The following ARHGEF38 variants were observed in gnomAD, a reference collection of about 807,000 sequenced individuals.
ARHGEF38 encodes the protein Rho guanine nucleotide exchange factor (GEF) 38.
In ARHGEF38, 79 loss-of-function variants were observed where a neutral mutation model predicts 79.9. The ratio of observed to expected loss-of-function variants is 0.99; its 90% CI spans 0.82 to 1.19. The LOEUF is 1.19. ARHGEF38 is among the 50% of genes most tolerant of loss of function. The pLI, the probability that ARHGEF38 is intolerant of heterozygous loss-of-function variation, is 0.00. For synonymous variants in ARHGEF38, 366 were observed against 328.3 expected, an observed-to-expected ratio of 1.11 and a Z score of -1.24; for missense variants, 962 against 907.2, an observed-to-expected ratio of 1.06 and a Z score of -0.78.
chr4:105,578,422 A>G lies in ARHGEF38; in HGVS notation c.197-10826A>G, dbSNP rs183276959. On this transcript the variant is annotated intron_variant, in intron 1 of 13. Transcript: ENST00000420470. ...GCAGTTCTTGAGTAGAATGTTCTAT[A>G]ATATCTGTTAGGTCCATTTGTTATA... is the stretch of plus-strand genomic sequence containing the variant. Among the ~76,000 whole-genome samples the G allele has an allele frequency of 2.9e-3, 435 of 152,252 alleles. 2 individuals are homozygous for G. The highest frequency in any genetic ancestry group is 9.8e-3 in the African/African-American group (406 of 41,542).
At chr4:105,567,920 A>AT (rs1304889968) in intron 1 of ARHGEF38, among the ~76,000 whole-genome samples, 1 of 132,862 alleles carries the variant, frequency 7.5e-6, no homozygotes, top group African/African-American at 2.7e-5. Flanking sequence ...TCCCAGTGCT[A>AT]TCCCTCCCCC....
chr4:105,667,174 T>C lies in ARHGEF38; in HGVS notation c.1735T>C (p.Ser579Pro), dbSNP rs1216445617. Residue 579 changes from serine to proline, a missense_variant, in exon 12 of 14, where the codon TCC (serine) becomes CCC (proline). Transcript: ENST00000420470. ...QTDIHRSKLL[S>P]TYSAEELYQA... The stretch of plus-strand genomic sequence containing the variant: ...TGACATTCATCGCTCCAAACTTCTA[T>C]CCACATATAGTGCAGAGGAACTCTA... 1.3e-6 allele frequency: 2 copies of C among 1,535,902 alleles called. No individual in the cohort carries two copies. The highest frequency in any genetic ancestry group is 1.2e-5 in the South Asian group (1 of 83,946).
intron 7 of ARHGEF38, among the ~76,000 whole-genome samples, chr4:105,650,867 A>T (rs1311783628): frequency 2.0e-5 from 3 of 152,176 alleles, no homozygotes; most frequent in African/African-American, 7.2e-5. Flanking sequence ...GAAGTTGGGG[A>T]CATTTATGGG....
intron 1 of ARHGEF38, among the ~76,000 whole-genome samples, chr4:105,570,389 A>G (rs577093653): frequency 1.3e-5 from 2 of 152,348 alleles, no homozygotes; most frequent in South Asian, 4.1e-4. Context: ...AAAATGCAGT[A>G]TGTATTAGTC....
chr4:105,679,930 C>T lies in ARHGEF38; in HGVS notation c.*1993C>T, dbSNP rs2149172864. ...CCACCAAAACTTTATAATTACCTCT[C>T]TGAAGCCTTTTAGTGTAATTTCTCT... On this transcript the variant is annotated 3_prime_UTR_variant, in exon 14 of 14. Transcript: ENST00000420470. The T allele has an allele frequency of 7.2e-7, 1 of 1,389,378 alleles. No individual in the cohort carries two copies. The highest frequency in any genetic ancestry group is 1.0e-6 in the Non-Finnish European group (1 of 979,800). The allele number at this position is 1,389,378 out of a possible 1,614,324, so 86.1% of individuals were successfully genotyped here. A position where few individuals can be genotyped will look rare whatever the true frequency, so the allele number is the denominator to read the frequency against.
Position 105,650,472 on chromosome 4 carries a change from C to T in ARHGEF38, c.1008+1790C>T, listed in dbSNP as rs2110549343. Among the ~76,000 whole-genome samples the T allele has an allele frequency of 1.3e-5, 2 of 152,316 alleles. 1 individual carries two copies. The highest frequency in any genetic ancestry group is 4.1e-4 in the South Asian group (2 of 4,830). On this transcript the variant is annotated intron_variant, in intron 7 of 13. Transcript: ENST00000420470. The stretch of plus-strand genomic sequence containing the variant: ...GAGATTACCCCTATATCCCAAAGCC[C>T]ATTGGAGTTATTTAAAATAGCCAGT...
In ARHGEF38 at chr4:105,672,158, G is replaced by C. The variant is rs148309587; in HGVS notation, c.2148+4455G>C. Among the ~76,000 whole-genome samples the C allele has an allele frequency of 6.3e-3, 964 of 152,178 alleles. 11 individuals are homozygous for C. The highest frequency in any genetic ancestry group is 0.022 in the African/African-American group (917 of 41,528). On this transcript the variant is annotated intron_variant, in intron 13 of 13. Coordinates refer to ENST00000420470, the MANE Select transcript of ARHGEF38 (RefSeq NM_001242729.2). ...TGAAGTGGTCTATGAATGAGTTTTG[G>C]GAGGATTTAATGAGTCTCCTCAAAT...
At chr4:105,566,750 A>G (rs1187062305) in intron 1 of ARHGEF38, among the ~76,000 whole-genome samples, 1 of 91,826 alleles carries the variant, frequency 1.1e-5, no homozygotes. Flanking sequence ...TCTGGCAGCC[A>G]TCTTTTTTTT....
At chr4:105,561,094 C>A (rs1031845310) in intron 1 of ARHGEF38, among the ~76,000 whole-genome samples, 3 of 152,028 alleles carry the variant, frequency 2.0e-5, no homozygotes, top group African/African-American at 2.4e-5. Flanking sequence ...CTAAAAGTTT[C>A]TTTCCCATAG....
intron 1 of ARHGEF38, among the ~76,000 whole-genome samples, chr4:105,588,005 G>A (rs1357741097): frequency 2.0e-5 from 3 of 152,186 alleles, no homozygotes; most frequent in African/African-American, 7.2e-5. Context: ...AAATGCTGAA[G>A]TTAGTGGACC....
intron 1 of ARHGEF38, among the ~76,000 whole-genome samples, chr4:105,567,111 A>G (rs1725963784): frequency 1.3e-5 from 2 of 152,324 alleles, no homozygotes; most frequent in South Asian, 4.1e-4. Context: ...AAGTGAGAAC[A>G]TGCAAAGTTT....
chr4:105,624,040 T>C (rs549684163), intron 3 of ARHGEF38, among the ~76,000 whole-genome samples: 2 of 152,266 alleles, frequency 1.3e-5, no homozygotes, highest in East Asian at 3.9e-4. Context: ...TCCACTCTGC[T>C]CTTTTCCTTT....
Position 105,659,962 on chromosome 4 carries a change from T to C in ARHGEF38, c.1545+597T>C, listed in dbSNP as rs576056361. Among the ~76,000 whole-genome samples the C allele has an allele frequency of 8.5e-5, 13 of 152,112 alleles. No homozygotes were observed. The South Asian group carries it at 2.7e-3, about 32-fold the overall frequency. On this transcript the variant is annotated intron_variant, in intron 10 of 13. Transcript: ENST00000420470. Reference sequence around the variant, plus strand: ...GGAAGAAAGATATTTACAACTTATATCAACTTTTGAAAAATTAGCTTGGTT... The same window carrying C: ...GGAAGAAAGATATTTACAACTTATACCAACTTTTGAAAAATTAGCTTGGTT...
At chr4:105,599,860 G>A (rs1057450346) in intron 2 of ARHGEF38, among the ~76,000 whole-genome samples, 1 of 152,124 alleles carries the variant, frequency 6.6e-6, no homozygotes, top group Non-Finnish European at 1.5e-5. Flanking sequence ...TTTAGAGTAT[G>A]TAAGGACATA....
Position 105,669,243 on chromosome 4 carries a change from C to T in ARHGEF38, c.2148+1540C>T, listed in dbSNP as rs182712999. ...ACAATATATCTTAGACACAATTAAACCTAAATAGCTATCTTATTCCTTAAA... is the reference window on the plus strand; with the variant it reads ...ACAATATATCTTAGACACAATTAAATCTAAATAGCTATCTTATTCCTTAAA... On this transcript the variant is annotated intron_variant, in intron 13 of 13. Transcript: ENST00000420470. Among the ~76,000 whole-genome samples, 241 of 151,934 alleles carry T rather than the reference C, an allele frequency of 1.6e-3. 1 individual carries two copies. The highest frequency in any genetic ancestry group is 2.7e-3 in the Non-Finnish European group (182 of 67,940).
intron 1 of ARHGEF38, among the ~76,000 whole-genome samples, chr4:105,579,478 G>C (rs1228084273): frequency 6.6e-6 from 1 of 152,148 alleles, no homozygotes; most frequent in African/African-American, 2.4e-5. Flanking sequence ...TTCTGCATCT[G>C]TTCAGATGAT....
chr4:105,644,732 G>C (rs964293538), intron 5 of ARHGEF38, among the ~76,000 whole-genome samples: 5 of 152,200 alleles, frequency 3.3e-5, no homozygotes, highest in African/African-American at 7.2e-5. Context: ...TGGTGGAAGA[G>C]AGAGGCCAAG....
intron 1 of ARHGEF38, among the ~76,000 whole-genome samples, chr4:105,583,984 G>A (rs533699753): frequency 1.4e-4 from 21 of 152,100 alleles, no homozygotes; most frequent in East Asian, 1.9e-4. Context: ...TATGTTTCCT[G>A]AGTATGTTCC....
At chr4:105,580,429 G>C (rs1306430399) in intron 1 of ARHGEF38, among the ~76,000 whole-genome samples, 5 of 152,046 alleles carry the variant, frequency 3.3e-5, no homozygotes, top group African/African-American at 1.2e-4. Flanking sequence ...TGTTTTCATA[G>C]GTTTCAACAA....
Sources: allele counts gnomAD v4.1 joint callset (sites outside exome capture counted in the v4.1 genomes callset), GRCh38; gene constraint gnomAD v4.1.1; transcripts MANE v1.5; gene names NCBI Gene and HGNC (gene_info 2026-07-23, HGNC 2026-07-21).